The following VWC2L variants were observed in gnomAD, a reference collection of about 807,000 sequenced individuals.
VWC2L encodes the protein von Willebrand factor C domain-containing protein 2-like.
A neutral mutation model predicts 21.6 loss-of-function variants in VWC2L; 10 were observed. That is an observed-to-expected ratio of 0.46 (90% CI 0.29 to 0.78). VWC2L has a LOEUF of 0.78. VWC2L is among the 30% of genes least tolerant of loss of function. The probability of loss-of-function intolerance (pLI) is 0.10; values close to 1 mark genes in which losing one functional copy is unlikely to be tolerated. For missense variants in VWC2L, 209 were observed against 277.1 expected, an observed-to-expected ratio of 0.75 and a Z score of 1.74; for synonymous variants, 96 against 94.3, an observed-to-expected ratio of 1.02 and a Z score of -0.10.
chr2:214,563,917 A>G (rs1690020495), intron 3 of VWC2L, among the ~76,000 whole-genome samples: 1 of 152,182 alleles, frequency 6.6e-6, no homozygotes, highest in South Asian at 2.1e-4. Context: ...TTCACTGATG[A>G]CATGATCCTA....
At chr2:214,503,229 GA>G (rs1688919945) in intron 3 of VWC2L, among the ~76,000 whole-genome samples, 1 of 152,056 alleles carries the variant, frequency 6.6e-6, no homozygotes, top group Non-Finnish European at 1.5e-5. Context: ...AAAATATTAA[GA>G]TTACCAGTTT....
At chr2:214,554,170 C>A (rs921599989) in intron 3 of VWC2L, among the ~76,000 whole-genome samples, 4 of 152,200 alleles carry the variant, frequency 2.6e-5, no homozygotes, top group Admixed American at 6.5e-5. Context: ...AAGCCTACCT[C>A]TTCCTCAGTT....
Position 214,558,504 on chromosome 2 carries a change from TAAG to T in VWC2L, c.521-17167_521-17165del, listed in dbSNP as rs781683771. Among the ~76,000 whole-genome samples the T allele has an allele frequency of 9.9e-4, 151 of 152,314 alleles. 1 individual carries two copies. Among genetic ancestry groups the T allele is most frequent in the Middle Eastern group, 3.4e-3 (1 of 294 alleles). ...CATACACTTGTTCAAATTAGAAACT[TAAG>T]GAGCATGTTCTACCTTATTCCACAC... On this transcript the variant is annotated intron_variant, in intron 3 of 3. Transcript: ENST00000312504.
chr2:214,552,204 CT>C (rs1173779634), intron 3 of VWC2L, among the ~76,000 whole-genome samples: 2 of 152,152 alleles, frequency 1.3e-5, no homozygotes, highest in Non-Finnish European at 2.9e-5. Flanking sequence ...TCACTACTGG[CT>C]TTTTCCTTTC....
intron 3 of VWC2L, among the ~76,000 whole-genome samples, chr2:214,551,735 G>A (rs1018358867): frequency 1.6e-4 from 25 of 152,196 alleles, no homozygotes; most frequent in Non-Finnish European, 3.4e-4. Flanking sequence ...CAATCTAAAT[G>A]TCTGCCTCCT....
At chr2:214,437,705 C>T (rs1489252076) in intron 3 of VWC2L, among the ~76,000 whole-genome samples, 3 of 151,996 alleles carry the variant, frequency 2.0e-5, no homozygotes, top group South Asian at 4.1e-4. Flanking sequence ...TTGGAGCTCA[C>T]CTACTAATCT....
rs1356861033 is a variant in VWC2L, at chr2:214,527,082, AT to A, written c.521-48588del. The stretch of plus-strand genomic sequence containing the variant: ...CTACACAGCCATAAAAAAGAACAAC[AT>A]TGTGTTCTTTGCAGCAACATGAATG... On this transcript the variant is annotated intron_variant, in intron 3 of 3. Coordinates refer to ENST00000312504, the MANE Select transcript of VWC2L (RefSeq NM_001080500.4). Among the ~76,000 whole-genome samples the A allele has an allele frequency of 2.6e-5, 4 of 152,284 alleles. No individual in the cohort carries two copies. The East Asian group carries it at 7.7e-4, about 29-fold the overall frequency.
intron 3 of VWC2L, among the ~76,000 whole-genome samples, chr2:214,542,291 A>C (rs1204858385): frequency 2.6e-5 from 4 of 152,206 alleles, no homozygotes; most frequent in Admixed American, 1.3e-4. Flanking sequence ...AAACACCTCC[A>C]AAACCCACCA....
intron 3 of VWC2L, among the ~76,000 whole-genome samples, chr2:214,501,900 A>AAT (rs1688897839): frequency 6.6e-6 from 1 of 152,158 alleles, no homozygotes; most frequent in Non-Finnish European, 1.5e-5. Flanking sequence ...GAGATTACAG[A>AAT]GAAAGAGAAG....
At chr2:214,575,027 C>T (rs1574645250) in intron 3 of VWC2L, among the ~76,000 whole-genome samples, 1 of 110,778 alleles carries the variant, frequency 9.0e-6, no homozygotes, top group South Asian at 2.9e-4. Flanking sequence ...TATTTTGGGT[C>T]ATTCTTTAAA....
At chr2:214,554,215 C>G (rs1432066339) in intron 3 of VWC2L, among the ~76,000 whole-genome samples, 1 of 152,170 alleles carries the variant, frequency 6.6e-6, no homozygotes, top group South Asian at 2.1e-4. Flanking sequence ...CTGTAACACC[C>G]TATTTCTAAC....
At chr2:214,465,411 T>A (rs574182816) in intron 3 of VWC2L, among the ~76,000 whole-genome samples, 2 of 151,976 alleles carry the variant, frequency 1.3e-5, no homozygotes, top group Non-Finnish European at 2.9e-5. Context: ...TGACTCAGGG[T>A]GTGTCTAGAA....
At chr2:214,433,908 T>C (rs1187631903) in intron 2 of VWC2L, among the ~76,000 whole-genome samples, 1 of 152,018 alleles carries the variant, frequency 6.6e-6, no homozygotes, top group East Asian at 1.9e-4. Context: ...GTGTTTACAG[T>C]GGGATCAGAG....
chr2:214,445,544 G>A (rs962312717), intron 3 of VWC2L, among the ~76,000 whole-genome samples: 3 of 151,246 alleles, frequency 2.0e-5, no homozygotes, highest in Non-Finnish European at 4.4e-5. Flanking sequence ...ATATTTATAG[G>A]TCATATATAG....
At position 214,576,625 on chromosome 2, in the gene VWC2L, T is replaced by C. The variant is rs1318461504; in HGVS notation, c.*805T>C. Reference sequence around the variant, plus strand: ...TTGTAGCATTAATCATCAGACTTTTTCATGATGTGAAATTTGAGTTTGGTT... The same window carrying C: ...TTGTAGCATTAATCATCAGACTTTTCCATGATGTGAAATTTGAGTTTGGTT... On this transcript the variant is annotated 3_prime_UTR_variant, in exon 4 of 4. Transcript: ENST00000312504. The C allele has an allele frequency of 6.6e-6, 1 of 152,206 alleles. No homozygotes were observed. Among genetic ancestry groups the C allele is most frequent in the Admixed American group, 6.5e-5 (1 of 15,280 alleles). The allele number at this position is 152,206 out of a possible 1,614,324, so 9.4% of individuals were successfully genotyped here. A position where few individuals can be genotyped will look rare whatever the true frequency, so the allele number is the denominator to read the frequency against.
intron 3 of VWC2L, among the ~76,000 whole-genome samples, chr2:214,550,589 TAGGAATG>T (rs1322584096): frequency 6.6e-5 from 10 of 152,194 alleles, no homozygotes; most frequent in African/African-American, 2.2e-4. Context: ...ATTCAGAAAC[TAGGAATG>T]AGCTAGAAGT....
intron 3 of VWC2L, among the ~76,000 whole-genome samples, chr2:214,468,064 T>A (rs1300570100): frequency 6.6e-6 from 1 of 152,136 alleles, no homozygotes; most frequent in Non-Finnish European, 1.5e-5. Context: ...GTTGCCAGGC[T>A]GGGGTGCAGT....
chr2:214,447,871 C>A (rs1559293672), intron 3 of VWC2L, among the ~76,000 whole-genome samples: 2 of 152,014 alleles, frequency 1.3e-5, no homozygotes, highest in South Asian at 2.1e-4. Context: ...AAGATCCCAA[C>A]CCCTCCTTTC....
At chr2:214,572,058 AG>A (rs1690157651) in intron 3 of VWC2L, among the ~76,000 whole-genome samples, 1 of 152,180 alleles carries the variant, frequency 6.6e-6, no homozygotes, top group Non-Finnish European at 1.5e-5. Context: ...CTGGGATTAC[AG>A]GTGTAAGCCA....
Sources: gnomAD v4.1 joint callset for allele counts (sites outside exome capture counted in the v4.1 genomes callset) on GRCh38, gnomAD v4.1.1 for gene constraint, MANE v1.5 for transcripts, NCBI Gene and HGNC (gene_info 2026-07-23, HGNC 2026-07-21) for gene names.